Variants in OPHN1 observed in about 807,000 individuals in gnomAD.
OPHN1 encodes the protein oligophrenin 1.
Under a neutral mutation model 60.7 loss-of-function variants are expected in OPHN1, and 11 were observed. That is an observed-to-expected ratio of 0.18 (90% CI 0.11 to 0.30). The LOEUF is 0.30. OPHN1 is among the 10% of genes least tolerant of loss of function. OPHN1 has a pLI of 1.00. For synonymous variants in OPHN1, 226 were observed against 222.6 expected (o/e 1.02, Z -0.14); for missense variants, 449 against 611.0 (o/e 0.73, Z 2.80).
intron 15 of OPHN1, among the ~76,000 whole-genome samples, chrX:68,122,969 T>C (rs2077156351): frequency 9.0e-6 from 1 of 111,085 alleles, no homozygotes; most frequent in South Asian, 3.8e-4. Flanking sequence ...AACTTTGAAG[T>C]ACAAGACGGT....
intron 20 of OPHN1, chrX:68,071,716 G>T: frequency 2.0e-6 from 1 of 499,641 alleles, no homozygotes; most frequent in Non-Finnish European, 3.6e-6. Context: ...ATAATGACCC[G>T]CTGCCCTTTG....
intron 2 of OPHN1, among the ~76,000 whole-genome samples, chrX:68,365,818 CTTTT>C (rs11419921): frequency 1.0e-5 from 1 of 97,148 alleles, no homozygotes; most frequent in African/African-American, 3.8e-5. Context: ...CAATTATTCC[CTTTT>C]TTTTTTTTTT....
In OPHN1 at chrX:68,228,374, T is replaced by C. The variant is rs190255035; in HGVS notation, c.486+6113A>G. ...TTCCTTCTGAAACTATTCCAATCCA[T>C]AGAAAAAGAGGGAATCCTCCCTAAC... On this transcript the variant is annotated intron_variant, in intron 6 of 24. Transcript: ENST00000355520. Among the ~76,000 whole-genome samples the C allele has an allele frequency of 4.8e-3, 528 of 110,441 alleles. 5 individuals carry two copies. Among genetic ancestry groups the C allele is most frequent in the African/African-American group, 0.017 (513 of 30,350 alleles).
intron 15 of OPHN1, among the ~76,000 whole-genome samples, chrX:68,174,710 A>T (rs1249461837): frequency 9.1e-6 from 1 of 109,955 alleles, no homozygotes; most frequent in Non-Finnish European, 1.9e-5. Context: ...GGGCTCAAGC[A>T]ATCCACCCAC....
At chrX:68,150,386 G>T (rs1256096853) in intron 15 of OPHN1, among the ~76,000 whole-genome samples, 1 of 111,609 alleles carries the variant, frequency 9.0e-6, no homozygotes, top group African/African-American at 3.3e-5. Flanking sequence ...TGAAGAAAGG[G>T]TACATAATGT....
At chrX:68,432,253 C>A (rs191495104) in intron 2 of OPHN1, among the ~76,000 whole-genome samples, 9 of 111,610 alleles carry the variant, frequency 8.1e-5, no homozygotes. Context: ...CACACTCAAG[C>A]AGAATTCAGT....
rs779919118 is a variant in OPHN1, at chrX:68,201,657, G to A, written c.987C>T (p.Ile329=). ...CTATGTCAAAACAGAACCTCTTGTC[G>A]ATAGACTCCGTCTTCCTTCTCACAC... ...KYCVRRKTES[I]DKRFCFDIET... is the part of the protein sequence containing the mutation. The change falls in exon 11 of 25, where the codon ATC becomes ATT. Residue 329 remains isoleucine, a synonymous_variant. Transcript: ENST00000355520. 3 of 1,210,499 alleles carry A rather than the reference G, an allele frequency of 2.5e-6. No individual in the cohort carries two copies. Among genetic ancestry groups the A allele is most frequent in the Non-Finnish European group, 3.4e-6 (3 of 894,575 alleles).
intron 12 of OPHN1, among the ~76,000 whole-genome samples, chrX:68,194,898 G>A (rs1443337873): frequency 9.2e-6 from 1 of 108,129 alleles, no homozygotes; most frequent in East Asian, 2.9e-4. Flanking sequence ...AACCCAGGAG[G>A]TGGAGGCTGC....
chrX:68,077,097 A>C (rs2076956537), intron 19 of OPHN1, among the ~76,000 whole-genome samples: 1 of 111,860 alleles, frequency 8.9e-6, no homozygotes, highest in Middle Eastern at 4.6e-3. Context: ...TGTGAACATA[A>C]AAATCAACTT....
chrX:68,317,321 A>C (rs1303108026), intron 2 of OPHN1, among the ~76,000 whole-genome samples: 1 of 88,492 alleles, frequency 1.1e-5, no homozygotes, highest in Non-Finnish European at 2.2e-5. Context: ...GAAAAAGAAG[A>C]AGAAGAAAGA....
intron 2 of OPHN1, among the ~76,000 whole-genome samples, chrX:68,335,467 G>A (rs759446361): frequency 2.7e-5 from 3 of 112,195 alleles, no homozygotes; most frequent in Non-Finnish European, 5.6e-5. Context: ...AGATGCTGAT[G>A]CTGTTTTTCT....
chrX:68,133,118 C>T, intron 15 of OPHN1: 1 of 593,164 alleles, frequency 1.7e-6, no homozygotes, highest in Non-Finnish European at 3.0e-6. Flanking sequence ...AGAATACAGT[C>T]GTTATCAGAG....
At chrX:68,357,665 G>A (rs1369064631) in intron 2 of OPHN1, among the ~76,000 whole-genome samples, 2 of 110,752 alleles carry the variant, frequency 1.8e-5, no homozygotes, top group South Asian at 3.8e-4. Flanking sequence ...TTGGACATGT[G>A]GGTTGGTTCC....
intron 5 of OPHN1, among the ~76,000 whole-genome samples, chrX:68,263,724 T>C (rs2077906485): frequency 9.0e-6 from 1 of 111,609 alleles, no homozygotes; most frequent in African/African-American, 3.3e-5. Flanking sequence ...GAGCTACCTA[T>C]CAAATGTAAT....
chrX:68,108,027 G>A (rs2077088888), intron 18 of OPHN1, among the ~76,000 whole-genome samples: 1 of 111,699 alleles, frequency 9.0e-6, no homozygotes, highest in African/African-American at 3.3e-5. Flanking sequence ...TTTATTAGCT[G>A]GTATTCCTTC....
chrX:68,203,948 T>G (rs2077547129), intron 10 of OPHN1, among the ~76,000 whole-genome samples: 1 of 113,144 alleles, frequency 8.8e-6, no homozygotes, highest in Non-Finnish European at 1.9e-5. Context: ...TATGTTTAAT[T>G]TCACCACTTG....
intron 5 of OPHN1, among the ~76,000 whole-genome samples, chrX:68,269,982 GA>G (rs1197329843): frequency 8.9e-6 from 1 of 111,797 alleles, no homozygotes; most frequent in Non-Finnish European, 1.9e-5. Flanking sequence ...ACAGACACAG[GA>G]AAAAATGCTC....
chrX:68,358,776 A>G (rs1229294095), intron 2 of OPHN1, among the ~76,000 whole-genome samples: 2 of 111,788 alleles, frequency 1.8e-5, no homozygotes, highest in African/African-American at 3.2e-5. Flanking sequence ...TTGCTGGGTG[A>G]CCTATTTTGT....
intron 15 of OPHN1, among the ~76,000 whole-genome samples, chrX:68,187,684 G>A (rs1264820002): frequency 9.0e-6 from 1 of 110,888 alleles, no homozygotes; most frequent in African/African-American, 3.3e-5. Flanking sequence ...CTGGAGTGCA[G>A]TGGTGCCATC....
Sources: allele counts gnomAD v4.1 joint callset (sites outside exome capture counted in the v4.1 genomes callset), GRCh38; gene constraint gnomAD v4.1.1; transcripts MANE v1.5; gene names NCBI Gene and HGNC (gene_info 2026-07-23, HGNC 2026-07-21).